ITGAV: variants seen among roughly 807,000 people sequenced by gnomAD.
ITGAV encodes integrin subunit alpha V, also known as integrin alpha-V.
In ITGAV, 76 loss-of-function variants were observed where a neutral mutation model predicts 143.8. That is an observed-to-expected ratio of 0.53 (90% confidence interval 0.44 to 0.64). The LOEUF is 0.64. Among genes scored for constraint, ITGAV ranks in the 30% least tolerant of loss-of-function variants. The pLI, the probability that ITGAV is intolerant of heterozygous loss-of-function variation, is 0.00. For synonymous variants in ITGAV, 453 were observed against 446.7 expected (o/e 1.01, Z -0.18); for missense variants, 1,193 against 1,274.7 (o/e 0.94, Z 0.98).
intron 6 of ITGAV, among the ~76,000 whole-genome samples, chr2:186,634,604 A>T (rs1340810693): frequency 6.6e-6 from 1 of 152,196 alleles, no homozygotes; most frequent in African/African-American, 2.4e-5. Flanking sequence ...GGGAATAAAA[A>T]AATAGAAAAT....
intron 2 of ITGAV, among the ~76,000 whole-genome samples, chr2:186,606,331 G>C (rs1687064275): frequency 6.6e-6 from 1 of 152,224 alleles, no homozygotes; most frequent in Non-Finnish European, 1.5e-5. Context: ...GGTTCTGCCA[G>C]TTACCAGCTG....
At chr2:186,617,913 C>T (rs1687412110) in intron 2 of ITGAV, among the ~76,000 whole-genome samples, 1 of 152,084 alleles carries the variant, frequency 6.6e-6, no homozygotes, top group Admixed American at 6.5e-5. Flanking sequence ...TGTCTGTGTC[C>T]TGTTTCCTTT....
chr2:186,608,560 A>G (rs564899188), intron 2 of ITGAV, among the ~76,000 whole-genome samples: 2 of 152,236 alleles, frequency 1.3e-5, no homozygotes, highest in African/African-American at 4.8e-5. Context: ...GTTCTGCCAT[A>G]CTGGTAGTCT....
At chr2:186,613,799 G>GT in intron 2 of ITGAV, among the ~76,000 whole-genome samples, 1 of 151,986 alleles carries the variant, frequency 6.6e-6, no homozygotes, top group East Asian at 1.9e-4. Flanking sequence ...TCCTTACTAA[G>GT]TCAACGAAAT....
Position 186,663,742 on chromosome 2 carries a change from T to C in ITGAV, c.1858-26T>C, listed in dbSNP as rs369828778. Reference sequence around the variant, plus strand: ...GCCACCTGCATTGGTATTTTTCATGTAGAAAAATAAAATGTTTTTTTCTAG... The same window carrying C: ...GCCACCTGCATTGGTATTTTTCATGCAGAAAAATAAAATGTTTTTTTCTAG... On this transcript the variant is annotated intron_variant, in intron 18 of 29. Transcript: ENST00000261023. 6 of 1,558,332 alleles carry C rather than the reference T, an allele frequency of 3.9e-6. No homozygotes were observed. The African/African-American group carries it at 5.4e-5, about 14-fold the overall frequency.
At position 186,675,594 on chromosome 2, in the gene ITGAV, G is replaced by C. The variant is rs1559071223; in HGVS notation, c.2707-10G>C. The C allele has an allele frequency of 6.2e-7, 1 of 1,603,558 alleles. No homozygotes were observed. Among genetic ancestry groups the C allele is most frequent in the Middle Eastern group, 1.7e-4 (1 of 6,042 alleles). On this transcript the variant is annotated splice_polypyrimidine_tract_variant and intron_variant, in intron 26 of 29. Coordinates refer to ENST00000261023, the MANE Select transcript of ITGAV (RefSeq NM_002210.5). ...ACCTTTTCTTATAAGTAAAGGATTT[G>C]TTTTGGCAGGGTTGTGGAGTTGCTC...
At chr2:186,656,222 G>C (rs202211108) in intron 16 of ITGAV, 25 bp from the exon 17 acceptor site, 4 of 1,556,292 alleles carry the variant, frequency 2.6e-6, no homozygotes, top group Non-Finnish European at 3.5e-6. Flanking sequence ...GAATATGTTG[G>C]TTATAAATCC....
At chr2:186,604,533 A>G (rs1574462060) in intron 2 of ITGAV, among the ~76,000 whole-genome samples, 1 of 152,210 alleles carries the variant, frequency 6.6e-6, no homozygotes, top group African/African-American at 2.4e-5. Flanking sequence ...TTTTGGATCA[A>G]AATGTATGTA....
rs138876344 is a variant in ITGAV, at chr2:186,671,423, T to A, written c.2706+1609T>A. Among the ~76,000 whole-genome samples, 387 of 152,210 alleles carry A rather than the reference T, an allele frequency of 2.5e-3. 2 individuals carry two copies. Among genetic ancestry groups the A allele is most frequent in the Admixed American group, 5.8e-3 (88 of 15,298 alleles). ...TCCTCCATGCTTTGAAAATTGCTCT[T>A]CCATCTGCCTGGAATTCTTTGTCCA... On this transcript the variant is annotated intron_variant, in intron 26 of 29. Coordinates refer to ENST00000261023, the MANE Select transcript of ITGAV (RefSeq NM_002210.5).
At chr2:186,660,104 C>G (rs1574496653) in intron 18 of ITGAV, among the ~76,000 whole-genome samples, 1 of 151,912 alleles carries the variant, frequency 6.6e-6, no homozygotes, top group East Asian at 1.9e-4. Flanking sequence ...TTACTTGTCA[C>G]TTTATATTAT....
intron 17 of ITGAV, 141 bp downstream of exon 17, chr2:186,656,542 G>A (rs886594882): frequency 3.3e-6 from 2 of 597,042 alleles, no homozygotes; most frequent in Non-Finnish European, 5.5e-6. Flanking sequence ...GCTTTGTAAA[G>A]TGTCATACCT....
chr2:186,655,030 A>G (rs972898065), intron 16 of ITGAV, among the ~76,000 whole-genome samples: 1 of 152,240 alleles, frequency 6.6e-6, no homozygotes, highest in South Asian at 2.1e-4. Context: ...TTATAAGTAG[A>G]TGATCTGCTG....
chr2:186,656,847 G>A (rs531339067), intron 17 of ITGAV, among the ~76,000 whole-genome samples: 45 of 152,298 alleles, frequency 3.0e-4, no homozygotes, highest in Middle Eastern at 6.8e-3. Flanking sequence ...TCCGACAGTT[G>A]TATAAGGCTA....
At chr2:186,602,879 A>G (rs1212904645) in intron 2 of ITGAV, among the ~76,000 whole-genome samples, 2 of 143,100 alleles carry the variant, frequency 1.4e-5, no homozygotes, top group Admixed American at 1.4e-4. Context: ...TCCATCTTAA[A>G]AAAAAAAAAA....
At position 186,640,917 on chromosome 2, in the gene ITGAV, G is replaced by T. The variant is rs745507823; in HGVS notation, c.906G>T (p.Met302Ile). ...TTCATTTTCATCTTTTTATCCAGAT[G>T]GCTGCATATTTCGGATTTTCTGTAG... ...SSLYNFTGEQ[M>I]AAYFGFSVAA... Residue 302 changes from methionine to isoleucine, a missense_variant and splice_region_variant, in exon 11 of 30, where the codon ATG becomes ATT. Physicochemically the swap from Met to Ile is conservative, Grantham distance 10. Coordinates refer to ENST00000261023, the MANE Select transcript of ITGAV (RefSeq NM_002210.5). 7 of 1,590,376 alleles carry T rather than the reference G, an allele frequency of 4.4e-6. No individual in the cohort carries two copies. In the Admixed American group the frequency reaches 1.2e-4, roughly 27 times the overall value.
intron 21 of ITGAV, 100 bp from the exon 22 acceptor site, chr2:186,666,593 TAAGCTCAGAAA>T: frequency 1.9e-6 from 1 of 521,254 alleles, no homozygotes; most frequent in South Asian, 4.0e-5. Flanking sequence ...AGTTTTATTG[TAAGCTCAGAAA>T]AACCCCATTT....
intron 10 of ITGAV, 85 bp from the exon 11 acceptor site, chr2:186,640,830 C>A: frequency 1.9e-6 from 2 of 1,063,682 alleles, no homozygotes; most frequent in Admixed American, 2.4e-5. Flanking sequence ...AAAAAATAAC[C>A]CTATTTGGTA....
intron 10 of ITGAV, among the ~76,000 whole-genome samples, chr2:186,640,129 T>C (rs1688061330): frequency 6.6e-6 from 1 of 152,230 alleles, no homozygotes; most frequent in Non-Finnish European, 1.5e-5. Flanking sequence ...TTACTTTATA[T>C]TTAATCTGTC....
At chr2:186,608,390 A>G (rs1337277141) in intron 2 of ITGAV, among the ~76,000 whole-genome samples, 1 of 152,242 alleles carries the variant, frequency 6.6e-6, no homozygotes, top group Non-Finnish European at 1.5e-5. Context: ...AAAATAGAAT[A>G]GTAACTATAT....
Sources: allele counts gnomAD v4.1 joint callset (sites outside exome capture counted in the v4.1 genomes callset), GRCh38; gene constraint gnomAD v4.1.1; transcripts MANE v1.5; gene names NCBI Gene and HGNC (gene_info 2026-07-23, HGNC 2026-07-21).